The following HDAC8 variants were observed in gnomAD, a reference collection of about 807,000 sequenced individuals.
The protein encoded by HDAC8 is histone deacetylase-like 1.
HDAC8 carries 1 observed loss-of-function variant against 32.2 expected under a neutral mutation model. That is an observed-to-expected ratio of 0.03 (90% CI 0.01 to 0.15). The LOEUF (loss-of-function observed/expected upper bound fraction) is 0.15, where lower values mean the gene tolerates loss of function less well. Among genes scored for constraint, HDAC8 ranks in the 10% least tolerant of loss-of-function variants. The pLI is 1.00. For missense variants in HDAC8, 117 were observed against 300.0 expected (o/e 0.39, Z 4.51); for synonymous variants, 108 against 113.9 (o/e 0.95, Z 0.33).
chrX:72,542,993 C>A (rs1252877768), intron 4 of HDAC8, among the ~76,000 whole-genome samples: 1 of 112,015 alleles, frequency 8.9e-6, no homozygotes, highest in Non-Finnish European at 1.9e-5. Context: ...CTTTTATAGT[C>A]AGGAACTTGA....
intron 4 of HDAC8, among the ~76,000 whole-genome samples, chrX:72,498,294 C>G (rs2049095930): frequency 9.1e-6 from 1 of 110,272 alleles, no homozygotes; most frequent in African/African-American, 3.3e-5. Flanking sequence ...AGAACAGATG[C>G]TTTGCTTTTT....
At chrX:72,421,031 CCCTCATTT>C (rs1396963069) in intron 9 of HDAC8, among the ~76,000 whole-genome samples, 1 of 110,103 alleles carries the variant, frequency 9.1e-6, no homozygotes, top group African/African-American at 3.3e-5. Context: ...CTATTTGTGT[CCCTCATTT>C]CCTCCATTAC....
At chrX:72,411,314 G>A (rs1465149186) in intron 9 of HDAC8, among the ~76,000 whole-genome samples, 1 of 110,751 alleles carries the variant, frequency 9.0e-6, no homozygotes, top group African/African-American at 3.3e-5. Flanking sequence ...ATGAGCCACC[G>A]CTCCCGGCTG....
At chrX:72,406,953 G>A (rs2046056203) in intron 9 of HDAC8, among the ~76,000 whole-genome samples, 1 of 111,968 alleles carries the variant, frequency 8.9e-6, no homozygotes, top group African/African-American at 3.3e-5. Flanking sequence ...TATGCCCCCA[G>A]GGTATGTAGT....
chrX:72,456,159 A>G (rs1273736170), intron 9 of HDAC8, among the ~76,000 whole-genome samples: 1 of 112,185 alleles, frequency 8.9e-6, no homozygotes, highest in Non-Finnish European at 1.9e-5. Context: ...GCCAGATGTT[A>G]AAGAAATGGG....
chrX:72,358,158 C>T (rs919306199), intron 9 of HDAC8, among the ~76,000 whole-genome samples: 1 of 110,967 alleles, frequency 9.0e-6, no homozygotes, highest in Non-Finnish European at 1.9e-5. Context: ...CTTAAGTGAT[C>T]CGCTCGCCTC....
At chrX:72,432,546 C>T (rs1339208922) in intron 9 of HDAC8, among the ~76,000 whole-genome samples, 1 of 110,160 alleles carries the variant, frequency 9.1e-6, no homozygotes, top group Non-Finnish European at 1.9e-5. Flanking sequence ...GAACACTTGC[C>T]CTTTAGTTAT....
chrX:72,438,377 G>A (rs947848466), intron 9 of HDAC8, among the ~76,000 whole-genome samples: 1 of 111,811 alleles, frequency 8.9e-6, no homozygotes, highest in East Asian at 2.8e-4. Context: ...ATAAATCAAC[G>A]AAGATGAGGA....
intron 9 of HDAC8, among the ~76,000 whole-genome samples, chrX:72,452,253 C>T (rs1052091194): frequency 3.6e-5 from 4 of 111,813 alleles, no homozygotes; most frequent in South Asian, 3.7e-4. Flanking sequence ...GTCAGGAGTT[C>T]GAGACCAGCC....
Position 72,525,035 on chromosome X carries a change from C to T in HDAC8, c.438-29767G>A, listed in dbSNP as rs574482718. Among the ~76,000 whole-genome samples, 9 of 111,884 alleles carry T rather than the reference C, an allele frequency of 8.0e-5. No individual in the cohort carries two copies. In the South Asian group the frequency reaches 3.4e-3, roughly 42 times the overall value. On this transcript the variant is annotated intron_variant, in intron 4 of 10. Transcript: ENST00000373573. Reference sequence around the variant, plus strand: ...AGGAGCATAAAACCTAGATCCCTGGCATGCGCAGTTCACAATACACTTGAC... The same window carrying T: ...AGGAGCATAAAACCTAGATCCCTGGTATGCGCAGTTCACAATACACTTGAC...
intron 4 of HDAC8, among the ~76,000 whole-genome samples, chrX:72,516,244 G>C (rs147786978): frequency 4.5e-5 from 5 of 112,032 alleles, no homozygotes; most frequent in Admixed American, 1.9e-4. Flanking sequence ...AGGTTAATGA[G>C]TTTAGTTTAA....
At position 72,391,010 on chromosome X, in the gene HDAC8, TCATATCTTTATTATTG is replaced by T. The variant is rs1292502377; in HGVS notation, c.1006-39188_1006-39173del. On this transcript the variant is annotated intron_variant, in intron 9 of 10. Transcript: ENST00000373573. ...GTCAAGGCTGTTCAGCACAGACAAC[TCATATCTTTATTATTG>T]CCATAGAAAATGTTTGATCAATCAC... Among the ~76,000 whole-genome samples, 59 of 112,259 alleles carry T rather than the reference TCATATCTTTATTATTG, an allele frequency of 5.3e-4. No individual in the cohort carries two copies. In the East Asian group the frequency reaches 0.016, roughly 30 times the overall value.
At chrX:72,539,062 T>C (rs1556040987) in intron 4 of HDAC8, among the ~76,000 whole-genome samples, 1 of 111,239 alleles carries the variant, frequency 9.0e-6, no homozygotes, top group East Asian at 2.8e-4. Flanking sequence ...ATGTAAACAC[T>C]AAGGAACTAT....
chrX:72,478,868 G>A (rs781915155), intron 7 of HDAC8, among the ~76,000 whole-genome samples: 19 of 109,728 alleles, frequency 1.7e-4, no homozygotes, highest in Non-Finnish European at 1.9e-5. Context: ...GATTGGCCAG[G>A]CTGGTTTTGA....
chrX:72,521,786 C>T (rs1432524597), intron 4 of HDAC8, among the ~76,000 whole-genome samples: 2 of 111,286 alleles, frequency 1.8e-5, no homozygotes, highest in African/African-American at 6.5e-5. Flanking sequence ...TTTTACACCA[C>T]TGTAAATATG....
chrX:72,386,290 A>C (rs1402299258), intron 9 of HDAC8, among the ~76,000 whole-genome samples: 2 of 112,080 alleles, frequency 1.8e-5, no homozygotes, highest in Non-Finnish European at 3.8e-5. Context: ...CCAATTAAAA[A>C]AAATCATTTC....
intron 4 of HDAC8, among the ~76,000 whole-genome samples, chrX:72,501,460 A>T (rs2049214328): frequency 9.0e-6 from 1 of 111,419 alleles, no homozygotes; most frequent in Non-Finnish European, 1.9e-5. Context: ...GCCCAGAAAT[A>T]AGGCTGCACA....
chrX:72,531,220 A>G (rs1357526108), intron 4 of HDAC8, among the ~76,000 whole-genome samples: 1 of 111,889 alleles, frequency 8.9e-6, no homozygotes, highest in Non-Finnish European at 1.9e-5. Flanking sequence ...TGTGAAAAGC[A>G]CCCCCAATAG....
rs1224406172 is a variant in HDAC8, at chrX:72,475,972, T to C, written c.738-11241A>G. On this transcript the variant is annotated intron_variant, in intron 7 of 10. Coordinates refer to ENST00000373573, the MANE Select transcript of HDAC8 (RefSeq NM_018486.3). ...ATAGAAACATAGATTCTAACGGGCA[T>C]TCTAACACGCCTTGTAGTAGGTAAT... Among the ~76,000 whole-genome samples the C allele has an allele frequency of 3.6e-5, 4 of 111,379 alleles. No homozygotes were observed. The Admixed American group carries it at 3.8e-4, about 11-fold the overall frequency.
Sources: allele counts gnomAD v4.1 joint callset (sites outside exome capture counted in the v4.1 genomes callset), GRCh38; gene constraint gnomAD v4.1.1; transcripts MANE v1.5; gene names NCBI Gene and HGNC (gene_info 2026-07-23, HGNC 2026-07-21).